Variants in NBEA observed in about 807,000 individuals in gnomAD.
NBEA encodes lysosomal-trafficking regulator 2.
In NBEA, 44 loss-of-function variants were observed where a neutral mutation model predicts 343.4. The observed-to-expected ratio is 0.13, with a 90% CI of 0.10 to 0.16. The LOEUF (loss-of-function observed/expected upper bound fraction) is 0.16, where lower values mean the gene tolerates loss of function less well. NBEA is among the 10% of genes least tolerant of loss of function. NBEA has a pLI of 1.00. For synonymous variants in NBEA, 1,175 were observed against 1,238.7 expected, an observed-to-expected ratio of 0.95 and a Z score of 1.08; for missense variants, 2,555 against 3,631.3, an observed-to-expected ratio of 0.70 and a Z score of 7.62.
intron 47 of NBEA, among the ~76,000 whole-genome samples, chr13:35,597,129 A>G (rs1273295811): frequency 6.6e-6 from 1 of 152,144 alleles, no homozygotes; most frequent in African/African-American, 2.4e-5. Context: ...TTCAGGTCCA[A>G]TTTCTCAGCA....
intron 24 of NBEA, among the ~76,000 whole-genome samples, chr13:35,167,237 C>G (rs572194340): frequency 6.6e-6 from 1 of 152,018 alleles, no homozygotes; most frequent in African/African-American, 2.4e-5. Context: ...ATAGACAATA[C>G]ATAAACAAAT....
intron 55 of NBEA, among the ~76,000 whole-genome samples, chr13:35,660,092 C>T (rs953882480): frequency 2.0e-5 from 3 of 152,138 alleles, no homozygotes; most frequent in African/African-American, 7.2e-5. Context: ...TTAAAAGGAT[C>T]AATGGTATTC....
intron 38 of NBEA, among the ~76,000 whole-genome samples, chr13:35,372,030 C>A (rs369836363): frequency 6.4e-4 from 97 of 152,188 alleles, no homozygotes; most frequent in African/African-American, 2.3e-3. Flanking sequence ...GTCTTTGGAC[C>A]CCTATCTGGC....
At chr13:35,552,358 G>T (rs1322737469) in intron 43 of NBEA, among the ~76,000 whole-genome samples, 5 of 152,166 alleles carry the variant, frequency 3.3e-5, no homozygotes, top group African/African-American at 1.2e-4. Flanking sequence ...TACAGTGTAA[G>T]ACCAATTCAC....
At chr13:35,347,240 TTTAG>T (rs1205997908) in intron 36 of NBEA, among the ~76,000 whole-genome samples, 3 of 152,132 alleles carry the variant, frequency 2.0e-5, no homozygotes, top group Non-Finnish European at 4.4e-5. Context: ...GGACTTAGTA[TTTAG>T]TAAGTACAGA....
chr13:35,094,786 T>TAAATTAGGCTTAAGAGATG (rs2065250818), intron 10 of NBEA, among the ~76,000 whole-genome samples: 1 of 152,020 alleles, frequency 6.6e-6, no homozygotes. Flanking sequence ...AATTCAGTCC[T>TAAATTAGGCTTAAGAGATG]AAATTAGGCT....
chr13:35,195,740 C>G (rs561271534), intron 30 of NBEA, 124 bp from the exon 31 acceptor site: 3 of 809,198 alleles, frequency 3.7e-6, no homozygotes, highest in Admixed American at 5.9e-5. Flanking sequence ...TATGCACATC[C>G]GTTTAGCAAT....
chr13:35,520,284 A>G (rs1431705229), intron 41 of NBEA, among the ~76,000 whole-genome samples: 1 of 152,136 alleles, frequency 6.6e-6, no homozygotes, highest in Non-Finnish European at 1.5e-5. Flanking sequence ...GGATTTGAAG[A>G]GCATAATTTA....
chr13:35,375,332 G>A (rs1163651197), intron 38 of NBEA, among the ~76,000 whole-genome samples: 2 of 152,014 alleles, frequency 1.3e-5, no homozygotes, highest in Non-Finnish European at 2.9e-5. Context: ...TCAACGTAAG[G>A]TCATCTCATA....
chr13:35,172,311 A>T (rs1406950959), intron 26 of NBEA, among the ~76,000 whole-genome samples: 2 of 151,980 alleles, frequency 1.3e-5, no homozygotes, highest in African/African-American at 4.8e-5. Context: ...GAGAGGAATC[A>T]TTTTGTATTC....
intron 36 of NBEA, among the ~76,000 whole-genome samples, chr13:35,343,786 C>T (rs559323053): frequency 1.3e-5 from 2 of 152,186 alleles, no homozygotes; most frequent in East Asian, 1.9e-4. Flanking sequence ...TCCCATCACC[C>T]CCAGATGGGA....
At position 35,653,328 on chromosome 13, in the gene NBEA, CTTTT is replaced by C. The variant is rs139682136; in HGVS notation, c.8035+1469_8035+1472del. Among the ~76,000 whole-genome samples the C allele has an allele frequency of 1.3e-4, 15 of 114,040 alleles. 1 individual carries two copies. The highest frequency in any genetic ancestry group is 1.8e-4 in the Non-Finnish European group (10 of 55,074). The allele number at this position is 114,040 out of a possible 152,430, so 74.8% of individuals were successfully genotyped here. ...AGTCAAGGTGTTTTATTCTTGGGTTCTTTTTTTTTTTTTTTTTTTTGAGATGGAG... is the reference window on the plus strand; with the variant it reads ...AGTCAAGGTGTTTTATTCTTGGGTTCTTTTTTTTTTTTTTTTGAGATGGAG... On this transcript the variant is annotated intron_variant, in intron 53 of 58. Coordinates refer to ENST00000379939, the MANE Select transcript of NBEA (RefSeq NM_001385012.1).
At chr13:35,335,499 G>T (rs981492618) in intron 36 of NBEA, among the ~76,000 whole-genome samples, 2 of 146,216 alleles carry the variant, frequency 1.4e-5, no homozygotes, top group Admixed American at 7.2e-5. Flanking sequence ...TCCATTTTTT[G>T]ATGTTCTCTT....
intron 43 of NBEA, among the ~76,000 whole-genome samples, chr13:35,554,543 C>T (rs1244871794): frequency 6.6e-6 from 1 of 152,192 alleles, no homozygotes; most frequent in African/African-American, 2.4e-5. Flanking sequence ...TGCATGTGTA[C>T]ACACTCTGTG....
At chr13:35,500,330 C>CTGTTATG (rs1566228796) in intron 41 of NBEA, among the ~76,000 whole-genome samples, 1 of 152,054 alleles carries the variant, frequency 6.6e-6, no homozygotes, top group East Asian at 1.9e-4. Context: ...AGCCATAAGA[C>CTGTTATG]TGTTATGTGA....
rs2062810252 is a variant in NBEA, at chr13:35,045,345, A to G, written c.667A>G (p.Met223Val). Residue 223 changes from methionine (M) to valine (V), a missense_variant, in exon 4 of 59, where the codon ATG becomes GTG. This residue lies in a region of NBEA where 185 missense variants were observed against 290.6 expected (regional missense o/e 0.64). Coordinates refer to ENST00000379939, the MANE Select transcript of NBEA (RefSeq NM_001385012.1). ...AAAATTATTATCAGTTCTTAATCAG[A>G]TGCCACAGAGACACGGTCCTGATAC... ...AVKLLSVLNQ[M>V]PQRHGPDTFF... 1.2e-6 allele frequency: 2 copies of G among 1,612,508 alleles called. No homozygotes were observed. The highest frequency in any genetic ancestry group is 2.7e-5 in the African/African-American group (2 of 74,870).
At chr13:35,202,145 T>G (rs1242545359) in intron 31 of NBEA, among the ~76,000 whole-genome samples, 2 of 152,152 alleles carry the variant, frequency 1.3e-5, no homozygotes, top group Non-Finnish European at 2.9e-5. Flanking sequence ...AATTTTTGTA[T>G]GCACTTTTCC....
At chr13:35,082,210 T>A (rs1566255000) in intron 10 of NBEA, among the ~76,000 whole-genome samples, 1 of 152,092 alleles carries the variant, frequency 6.6e-6, no homozygotes, top group Non-Finnish European at 1.5e-5. Context: ...GAATGATGGT[T>A]TCCAGCTTCA....
intron 38 of NBEA, among the ~76,000 whole-genome samples, chr13:35,375,487 C>T: frequency 6.6e-6 from 1 of 152,030 alleles, no homozygotes; most frequent in East Asian, 1.9e-4. Context: ...TTATATCAAT[C>T]CTCAATTTTT....
Sources: gnomAD v4.1 joint callset for allele counts (sites outside exome capture counted in the v4.1 genomes callset) on GRCh38, gnomAD v4.1.1 for gene constraint, gnomAD v4.1.1 regional missense constraint, MANE v1.5 for transcripts, NCBI Gene and HGNC (gene_info 2026-07-23, HGNC 2026-07-21) for gene names.